Variants in TBC1D5 observed in about 807,000 individuals in gnomAD.
TBC1D5 encodes TBC1 domain family, member 5.
In TBC1D5, 75 loss-of-function variants were observed where a neutral mutation model predicts 100.3. The observed-to-expected ratio is 0.75, with a 90% CI of 0.62 to 0.91. The LOEUF is 0.91. Among genes scored for constraint, TBC1D5 ranks in the 40% least tolerant of loss-of-function variants. TBC1D5 has a pLI of 0.00. For missense variants in TBC1D5, 910 were observed against 942.4 expected, an observed-to-expected ratio of 0.97 and a Z score of 0.45; for synonymous variants, 323 against 325.6, an observed-to-expected ratio of 0.99 and a Z score of 0.09.
At chr3:17,692,956 C>T (rs1004117629) in intron 1 of TBC1D5, among the ~76,000 whole-genome samples, 2 of 152,230 alleles carry the variant, frequency 1.3e-5, no homozygotes, top group African/African-American at 4.8e-5. Context: ...ATGGCAAGAA[C>T]CTGCCTCTAC....
At position 17,459,386 on chromosome 3, in the gene TBC1D5, C is replaced by T. The variant is rs779118411; in HGVS notation, c.98-30867G>A. ...TCATGGTCCTATGACAATCTAAAGT[C>T]GCTACTGATCTGACAGGAGGCAGAG... On this transcript the variant is annotated intron_variant, in intron 3 of 21. Transcript: ENST00000253692. 3.9e-5 allele frequency among the ~76,000 whole-genome samples: 6 copies of T among 152,122 alleles called. No individual in the cohort carries two copies. The South Asian group carries it at 6.2e-4, about 16-fold the overall frequency.
At chr3:17,230,014 T>C (rs1014936358) in intron 17 of TBC1D5, among the ~76,000 whole-genome samples, 2 of 152,214 alleles carry the variant, frequency 1.3e-5, no homozygotes, top group African/African-American at 4.8e-5. Flanking sequence ...TTTACATATA[T>C]TTCTCTGCCT....
intron 19 of TBC1D5, among the ~76,000 whole-genome samples, chr3:17,168,610 C>A (rs190931536): frequency 6.6e-6 from 1 of 152,042 alleles, no homozygotes; most frequent in African/African-American, 2.4e-5. Context: ...CGCAAGGGGC[C>A]GGGGTTGGGA....
chr3:17,613,259 C>A (rs1049574075), intron 2 of TBC1D5, among the ~76,000 whole-genome samples: 2 of 152,132 alleles, frequency 1.3e-5, no homozygotes, highest in African/African-American at 4.8e-5. Flanking sequence ...TGTATATGGG[C>A]CACATTTTCT....
Position 17,178,459 on chromosome 3 carries a change from G to A in TBC1D5, c.1852+6650C>T, listed in dbSNP as rs192937587. Among the ~76,000 whole-genome samples the A allele has an allele frequency of 2.5e-3, 382 of 152,180 alleles. 5 individuals carry two copies. Among genetic ancestry groups the A allele is most frequent in the East Asian group, 9.7e-4 (5 of 5,166 alleles). The stretch of plus-strand genomic sequence containing the variant: ...TTCCAAATGTTAGCAATTGTGAACA[G>A]TGCTAAAAAAACATGGGAGTGCAGA... On this transcript the variant is annotated intron_variant, in intron 19 of 21. Transcript: ENST00000253692.
At chr3:17,611,636 T>C (rs2153620494) in intron 2 of TBC1D5, among the ~76,000 whole-genome samples, 1 of 152,292 alleles carries the variant, frequency 6.6e-6, no homozygotes, top group East Asian at 1.9e-4. Context: ...TAAGTCTCAA[T>C]AGCAACTTTA....
At chr3:17,593,460 C>A (rs1472079030) in intron 2 of TBC1D5, among the ~76,000 whole-genome samples, 1 of 152,166 alleles carries the variant, frequency 6.6e-6, no homozygotes, top group East Asian at 1.9e-4. Flanking sequence ...GATATGGCAC[C>A]ATTTCTCAGG....
chr3:17,566,580 A>T (rs2096595269), intron 2 of TBC1D5, among the ~76,000 whole-genome samples: 1 of 151,940 alleles, frequency 6.6e-6, no homozygotes, highest in African/African-American at 2.4e-5. Context: ...TAGTAACACA[A>T]ACCAAAGCTA....
chr3:17,611,797 T>C (rs955751649), intron 2 of TBC1D5, among the ~76,000 whole-genome samples: 1 of 152,068 alleles, frequency 6.6e-6, no homozygotes, highest in Non-Finnish European at 1.5e-5. Context: ...TGAAATGATA[T>C]GGAGGATTCT....
At chr3:17,495,988 T>C (rs2095702578) in intron 3 of TBC1D5, among the ~76,000 whole-genome samples, 1 of 152,238 alleles carries the variant, frequency 6.6e-6, no homozygotes, top group African/African-American at 2.4e-5. Context: ...TACCTTTCCA[T>C]GTACTGGTAA....
chr3:17,479,815 G>A (rs896177592), intron 3 of TBC1D5, among the ~76,000 whole-genome samples: 2 of 152,214 alleles, frequency 1.3e-5, no homozygotes, highest in Non-Finnish European at 2.9e-5. Flanking sequence ...TGCAGTGGGG[G>A]AGGCGCTAGC....
chr3:17,538,757 A>G (rs1256575256), intron 2 of TBC1D5, among the ~76,000 whole-genome samples: 1 of 152,190 alleles, frequency 6.6e-6, no homozygotes, highest in Non-Finnish European at 1.5e-5. Flanking sequence ...CTAGAAACCC[A>G]GTCGGGCATG....
chr3:17,187,577 T>A (rs1240975210), intron 18 of TBC1D5, among the ~76,000 whole-genome samples: 1 of 152,118 alleles, frequency 6.6e-6, no homozygotes, highest in Non-Finnish European at 1.5e-5. Flanking sequence ...ATGATGGGAG[T>A]ACTAGATTTT....
intron 1 of TBC1D5, among the ~76,000 whole-genome samples, chr3:17,716,100 C>T (rs541768650): frequency 7.9e-5 from 12 of 152,032 alleles, no homozygotes; most frequent in African/African-American, 1.9e-4. Context: ...TGGGCTGAGA[C>T]GCTTGGCACC....
At chr3:17,606,326 C>T (rs2061332474) in intron 2 of TBC1D5, among the ~76,000 whole-genome samples, 1 of 152,024 alleles carries the variant, frequency 6.6e-6, no homozygotes, top group Non-Finnish European at 1.5e-5. Context: ...GCCTGGGGTT[C>T]CAGCTATTCA....
chr3:17,643,187 G>C (rs1178158329), intron 1 of TBC1D5, among the ~76,000 whole-genome samples: 1 of 151,980 alleles, frequency 6.6e-6, no homozygotes, highest in Non-Finnish European at 1.5e-5. Flanking sequence ...TTATTTTGTA[G>C]AATGTGTCTC....
chr3:17,247,243 G>C (rs556770436), intron 16 of TBC1D5, among the ~76,000 whole-genome samples: 1 of 152,166 alleles, frequency 6.6e-6, no homozygotes, highest in Non-Finnish European at 1.5e-5. Context: ...CACTGGGAGA[G>C]AACAACTGAA....
chr3:17,546,608 CA>C lies in TBC1D5; in HGVS notation c.-35-38004del, dbSNP rs549427829. On this transcript the variant is annotated intron_variant, in intron 2 of 21. Coordinates refer to ENST00000253692, the Ensembl canonical transcript of TBC1D5. ...GTGAGACCCCGTCTCTACTAAAATA[CA>C]AAAAAAAAAAATAACCGGGCATGGC... Among the ~76,000 whole-genome samples the C allele has an allele frequency of 7.6e-3, 1,064 of 139,212 alleles. 5 individuals carry two copies. The highest frequency in any genetic ancestry group is 0.018 in the Middle Eastern group (5 of 274). 91.3% of individuals were successfully genotyped at this position (139,212 alleles called of 152,430 possible). A position where few individuals can be genotyped will look rare whatever the true frequency, so the allele number is the denominator to read the frequency against.
chr3:17,309,733 A>T (rs1378242204), intron 13 of TBC1D5, among the ~76,000 whole-genome samples: 1 of 152,142 alleles, frequency 6.6e-6, no homozygotes, highest in Non-Finnish European at 1.5e-5. Flanking sequence ...TAAATTAAAT[A>T]GGCTGCTATT....
Sources: gnomAD v4.1 joint callset for allele counts (sites outside exome capture counted in the v4.1 genomes callset) on GRCh38, gnomAD v4.1.1 for gene constraint, MANE v1.5 for transcripts, NCBI Gene and HGNC (gene_info 2026-07-23, HGNC 2026-07-21) for gene names.